The following GABRB2 variants were observed in gnomAD, a reference collection of about 807,000 sequenced individuals.
The protein encoded by GABRB2 is gamma-aminobutyric acid type A receptor subunit beta2, also known as gamma-aminobutyric acid receptor subunit beta-2.
A neutral mutation model predicts 54.7 loss-of-function variants in GABRB2; 16 were observed. That is an observed-to-expected ratio of 0.29 (90% CI 0.20 to 0.44). The LOEUF (loss-of-function observed/expected upper bound fraction) is 0.44, where lower values mean the gene tolerates loss of function less well. GABRB2 is among the 20% of genes least tolerant of loss of function. The pLI, the probability that GABRB2 is intolerant of heterozygous loss-of-function variation, is 1.00. For synonymous variants in GABRB2, 244 were observed against 233.8 expected, an observed-to-expected ratio of 1.04 and a Z score of -0.40; for missense variants, 355 against 644.0, an observed-to-expected ratio of 0.55 and a Z score of 4.86.
intron 5 of GABRB2, among the ~76,000 whole-genome samples, chr5:161,341,907 G>T (rs1385362286): frequency 2.1e-5 from 3 of 140,748 alleles, no homozygotes; most frequent in African/African-American, 8.0e-5. Context: ...TTTAGAAGAG[G>T]TGAATTAATG....
At chr5:161,444,700 C>T (rs879651261) in intron 4 of GABRB2, among the ~76,000 whole-genome samples, 1 of 152,116 alleles carries the variant, frequency 6.6e-6, no homozygotes, top group Non-Finnish European at 1.5e-5. Context: ...GAAGCACAGT[C>T]TCACTACTAA....
chr5:161,449,649 C>T (rs1045755866), intron 4 of GABRB2, among the ~76,000 whole-genome samples: 1 of 152,100 alleles, frequency 6.6e-6, no homozygotes, highest in African/African-American at 2.4e-5. Context: ...TGTTGTTTTT[C>T]AGTCTAAATG....
intron 3 of GABRB2, among the ~76,000 whole-genome samples, chr5:161,489,268 T>G (rs148746947): frequency 1.3e-3 from 196 of 151,782 alleles, no homozygotes; most frequent in African/African-American, 4.6e-3. Flanking sequence ...ACCCTTATAT[T>G]TATGTATACA....
intron 3 of GABRB2, among the ~76,000 whole-genome samples, chr5:161,509,784 ACT>A (rs1471282847): frequency 1.3e-5 from 2 of 151,734 alleles, no homozygotes; most frequent in Non-Finnish European, 2.9e-5. Context: ...CTTCTTCCAC[ACT>A]CTATTGCTAC....
chr5:161,430,567 C>A (rs572235032), intron 4 of GABRB2, among the ~76,000 whole-genome samples: 8 of 151,970 alleles, frequency 5.3e-5, no homozygotes, highest in Non-Finnish European at 1.2e-4. Flanking sequence ...AATAATGATG[C>A]CTAGCATATA....
chr5:161,354,095 T>C (rs922413355), intron 5 of GABRB2, among the ~76,000 whole-genome samples: 17 of 152,028 alleles, frequency 1.1e-4, no homozygotes, highest in Non-Finnish European at 2.9e-5. Flanking sequence ...TAGTGGATGA[T>C]TTTCCTCTAC....
At chr5:161,352,569 G>C (rs138481184) in intron 5 of GABRB2, among the ~76,000 whole-genome samples, 10 of 152,028 alleles carry the variant, frequency 6.6e-5, no homozygotes, top group African/African-American at 2.4e-4. Context: ...GGACTGGGGA[G>C]ATGGTAATCA....
chr5:161,467,600 G>C (rs1758316048), intron 3 of GABRB2, among the ~76,000 whole-genome samples: 1 of 152,036 alleles, frequency 6.6e-6, no homozygotes, highest in Non-Finnish European at 1.5e-5. Context: ...TTTTAGAAAA[G>C]TATTTCAGTT....
chr5:161,323,699 C>T (rs1580979167), intron 9 of GABRB2, among the ~76,000 whole-genome samples: 1 of 152,142 alleles, frequency 6.6e-6, no homozygotes, highest in South Asian at 2.1e-4. Context: ...CTCTCCTCTT[C>T]TCCAGCACTT....
intron 5 of GABRB2, among the ~76,000 whole-genome samples, chr5:161,355,610 A>G (rs1437234287): frequency 6.6e-6 from 1 of 151,982 alleles, no homozygotes; most frequent in Non-Finnish European, 1.5e-5. Flanking sequence ...CATTTACACA[A>G]CAGAAAAAAT....
chr5:161,317,757 T>G (rs1758086203), intron 9 of GABRB2, among the ~76,000 whole-genome samples: 1 of 151,998 alleles, frequency 6.6e-6, no homozygotes, highest in African/African-American at 2.4e-5. Flanking sequence ...TTATTATACC[T>G]AGAACTCTTG....
intron 5 of GABRB2, among the ~76,000 whole-genome samples, chr5:161,339,249 G>T (rs762006457): frequency 2.2e-4 from 34 of 152,146 alleles, no homozygotes; most frequent in South Asian, 1.0e-3. Context: ...TTCCCATGAA[G>T]TTAGTCTAAC....
At chr5:161,303,578 A>G (rs1283799697) in intron 9 of GABRB2, among the ~76,000 whole-genome samples, 6 of 152,208 alleles carry the variant, frequency 3.9e-5, no homozygotes, top group Non-Finnish European at 5.9e-5. Context: ...TAAGAGGCAG[A>G]TATGTGGAGT....
chr5:161,308,266 A>G (rs1757759845), intron 9 of GABRB2, among the ~76,000 whole-genome samples: 1 of 152,182 alleles, frequency 6.6e-6, no homozygotes, highest in Admixed American at 6.5e-5. Context: ...GTTTAGGTGT[A>G]GGCCTGATTG....
intron 5 of GABRB2, among the ~76,000 whole-genome samples, chr5:161,355,991 A>G (rs1362668311): frequency 6.6e-6 from 1 of 152,110 alleles, no homozygotes; most frequent in South Asian, 2.1e-4. Flanking sequence ...TTCTGCTCTC[A>G]ACCTCAAGTT....
intron 3 of GABRB2, among the ~76,000 whole-genome samples, chr5:161,534,978 A>G (rs1322677078): frequency 1.3e-5 from 2 of 152,332 alleles, no homozygotes; most frequent in East Asian, 3.9e-4. Context: ...CACATATCCT[A>G]AAACTACTGA....
chr5:161,313,505 A>G (rs1313384413), intron 9 of GABRB2, among the ~76,000 whole-genome samples: 1 of 150,654 alleles, frequency 6.6e-6, no homozygotes, highest in Non-Finnish European at 1.5e-5. Context: ...CATTCTGATT[A>G]ATGATTCAAA....
At chr5:161,545,427 C>CT (rs1760950022) in intron 2 of GABRB2, 133 bp from the exon 3 acceptor site, 3 of 352,490 alleles carry the variant, frequency 8.5e-6, no homozygotes, top group Admixed American at 1.5e-4. Flanking sequence ...CAATTCTCTG[C>CT]TTTTTTTGTT....
chr5:161,475,429 T>C (rs1368521126), intron 3 of GABRB2, among the ~76,000 whole-genome samples: 1 of 151,878 alleles, frequency 6.6e-6, no homozygotes. Context: ...TCCTCTCCAA[T>C]CTCATCCAGA....
Sources: gnomAD v4.1 joint callset for allele counts (sites outside exome capture counted in the v4.1 genomes callset) on GRCh38, gnomAD v4.1.1 for gene constraint, MANE v1.5 for transcripts, NCBI Gene and HGNC (gene_info 2026-07-23, HGNC 2026-07-21) for gene names.